Variants in RC3H2 observed in about 807,000 individuals in gnomAD.
RC3H2 encodes roquin-2.
RC3H2 carries 31 observed loss-of-function variants against 133.3 expected under a neutral mutation model. That is an observed-to-expected ratio of 0.23 (90% CI 0.17 to 0.31). The LOEUF (loss-of-function observed/expected upper bound fraction) is 0.31. Ranked by LOEUF, RC3H2 falls within the 10% of genes least tolerant of loss-of-function variation. RC3H2 has a pLI of 1.00. For missense variants in RC3H2, 1,175 were observed against 1,437.2 expected (o/e 0.82, Z 2.95); for synonymous variants, 517 against 502.2 (o/e 1.03, Z -0.40).
intron 9 of RC3H2, among the ~76,000 whole-genome samples, chr9:122,868,732 G>T (rs1261402030): frequency 6.6e-6 from 1 of 150,512 alleles, no homozygotes; most frequent in Admixed American, 6.6e-5. Context: ...ACCCAAGAAT[G>T]ATCAATAAAA....
intron 9 of RC3H2, among the ~76,000 whole-genome samples, chr9:122,873,073 C>T (rs1831167166): frequency 3.3e-5 from 5 of 152,092 alleles, no homozygotes; most frequent in Admixed American, 3.3e-4. Context: ...TGAGCATCCA[C>T]ATTTTGTTTG....
chr9:122,890,388 C>T lies in RC3H2; in HGVS notation c.507G>A (p.Gln169=), dbSNP rs1334456966. 1 of 1,614,128 alleles carries T rather than the reference C, an allele frequency of 6.2e-7. No individual in the cohort carries two copies. The highest frequency in any genetic ancestry group is 8.5e-7 in the Non-Finnish European group (1 of 1,180,026). Residue 169 remains glutamine (Q), a synonymous_variant, in exon 4 of 21, where the codon CAG becomes CAA. Coordinates refer to ENST00000357244, the MANE Select transcript of RC3H2 (RefSeq NM_001100588.3). ...CAGACAACTGCTGAGGGTTCTGGTG[C>T]TGTAATATCAGTTCTGTTACAGTTC... ...GERTVTELIL[Q]HQNPQQLSAN...
At chr9:122,862,467 G>C (rs1830492739) in intron 10 of RC3H2, among the ~76,000 whole-genome samples, 1 of 152,162 alleles carries the variant, frequency 6.6e-6, no homozygotes, top group African/African-American at 2.4e-5. Context: ...CCATACTTTT[G>C]GAAATAGCTC....
intron 9 of RC3H2, among the ~76,000 whole-genome samples, chr9:122,868,878 TGTGTGTGTGTGTATGTG>T (rs1830908375): frequency 3.5e-4 from 8 of 22,956 alleles, no homozygotes; most frequent in Admixed American, 8.4e-4. Context: ...TGTGTGTGTG[TGTGTGTGTGTGTATGTG>T]TTTTTTTTTT....
rs765237126 is a variant in RC3H2, at chr9:122,851,388, C to T, written c.3166G>A (p.Asp1056Asn). ...AGTGCTGAAAGCTCTAACTCGATATCCCTATCAGGTTTAGTATCTGTTGCA... is the reference window on the plus strand; with the variant it reads ...AGTGCTGAAAGCTCTAACTCGATATTCCTATCAGGTTTAGTATCTGTTGCA... ...EDATDTKPDR[D>N]IELELSALDT... is the part of the protein sequence containing the mutation. Residue 1056 changes from aspartate to asparagine, a missense_variant, in exon 19 of 21, where the codon GAT (aspartate) becomes AAT (asparagine). Coordinates refer to ENST00000357244, the MANE Select transcript of RC3H2 (RefSeq NM_001100588.3). 1.2e-6 allele frequency: 2 copies of T among 1,614,188 alleles called. No individual in the cohort carries two copies. The highest frequency in any genetic ancestry group is 4.5e-5 in the East Asian group (2 of 44,894).
chr9:122,892,361 C>T (rs1431277782), intron 3 of RC3H2, among the ~76,000 whole-genome samples: 1 of 152,128 alleles, frequency 6.6e-6, no homozygotes, highest in East Asian at 1.9e-4. Flanking sequence ...AATCTACCCA[C>T]CTTAGCCTTA....
intron 9 of RC3H2, chr9:122,874,573 A>G (rs1370153132): frequency 6.6e-6 from 1 of 152,054 alleles, no homozygotes; most frequent in African/African-American, 2.4e-5. Flanking sequence ...GTTGGAATAC[A>G]GTGGTATAAT....
chr9:122,887,241 T>G (rs1831955978), intron 4 of RC3H2, among the ~76,000 whole-genome samples: 1 of 152,214 alleles, frequency 6.6e-6, no homozygotes, highest in Non-Finnish European at 1.5e-5. Context: ...AGAGGAAACT[T>G]TCCTCAATAT....
chr9:122,879,325 C>T (rs1455702114), intron 8 of RC3H2, among the ~76,000 whole-genome samples: 1 of 151,422 alleles, frequency 6.6e-6, no homozygotes. Flanking sequence ...ACTCAGGAGG[C>T]AGAGGTTGCA....
At chr9:122,869,620 T>C (rs982349865) in intron 9 of RC3H2, among the ~76,000 whole-genome samples, 17 of 146,866 alleles carry the variant, frequency 1.2e-4, no homozygotes, top group African/African-American at 4.3e-4. Flanking sequence ...TGGAGTGCAA[T>C]AGTGTGATCT....
In RC3H2 at chr9:122,857,971, CTG is replaced by C; in HGVS notation, c.2404_2405del (p.Gln802ValfsTer27). On this transcript the variant is annotated frameshift_variant, in exon 13 of 21. Coordinates refer to ENST00000357244, the MANE Select transcript of RC3H2 (RefSeq NM_001100588.3). LOFTEE classifies it high-confidence loss of function. ...ACAGAGGAGAAGGTGGTGTTGGTGACTGTGTTGCCACAGGAAGAGTTGAAGAG... is the reference window on the plus strand; with the variant it reads ...ACAGAGGAGAAGGTGGTGTTGGTGACTGTTGCCACAGGAAGAGTTGAAGAG... ...LVSSTLPVAT[Q>X]SPTPPSPLFS... 1 of 1,614,188 alleles carries C rather than the reference CTG, an allele frequency of 6.2e-7. No individual in the cohort carries two copies. Among genetic ancestry groups the C allele is most frequent in the Non-Finnish European group, 8.5e-7 (1 of 1,179,990 alleles).
intron 9 of RC3H2, chr9:122,875,195 T>C: frequency 1.9e-6 from 3 of 1,551,106 alleles, no homozygotes; most frequent in Non-Finnish European, 8.7e-7. Context: ...TCTAGGCACT[T>C]CAAGTGGGGA....
chr9:122,898,424 A>T (rs1002121171), intron 1 of RC3H2, among the ~76,000 whole-genome samples: 14 of 152,146 alleles, frequency 9.2e-5, no homozygotes, highest in Admixed American at 8.5e-4. Context: ...ACATAGAAAA[A>T]AACAGTGAGA....
chr9:122,890,245 G>C, intron 4 of RC3H2, 67 bp downstream of exon 4: 1 of 1,131,420 alleles, frequency 8.8e-7, no homozygotes. Context: ...GATTCACCGA[G>C]CTCCAGAAAT....
intron 9 of RC3H2, among the ~76,000 whole-genome samples, chr9:122,872,329 T>C (rs6478576): frequency 0.24 from 36,532 of 152,088 alleles, 5,958 homozygotes; most frequent in East Asian, 0.65. Context: ...TCCATTGCTA[T>C]AGTCCTACCC....
chr9:122,892,256 C>T (rs565425452), intron 3 of RC3H2, among the ~76,000 whole-genome samples: 25 of 152,126 alleles, frequency 1.6e-4, no homozygotes, highest in East Asian at 5.8e-4. Context: ...GGACTACAGG[C>T]GTGTGTCACC....
chr9:122,875,944 T>G (rs1401038532), intron 9 of RC3H2, among the ~76,000 whole-genome samples: 1 of 152,122 alleles, frequency 6.6e-6, no homozygotes, highest in Non-Finnish European at 1.5e-5. Context: ...AGAAGGGTGG[T>G]ATGAGTAAAT....
rs115440962 is a variant in RC3H2 at position 122,869,598 on chromosome 9, C to T, written c.1326-3941G>A. Among the ~76,000 whole-genome samples, 887 of 141,006 alleles carry T rather than the reference C, an allele frequency of 6.3e-3. 5 individuals are homozygous for T. The highest frequency in any genetic ancestry group is 0.023 in the African/African-American group (840 of 37,170). The allele number at this position is 141,006 out of a possible 152,430, so 92.5% of individuals were successfully genotyped here. A position where few individuals can be genotyped will look rare whatever the true frequency, so the allele number is the denominator to read the frequency against. ...TTTTTTTTTGAGGCGGAGTTTTGCT[C>T]GTCACCCAGGCTGGAGTGCAATAGT... On this transcript the variant is annotated intron_variant, in intron 9 of 20. Transcript: ENST00000357244.
chr9:122,890,272 C>T (rs377163052), intron 4 of RC3H2, 40 bp downstream of exon 4: 70 of 1,537,778 alleles, frequency 4.6e-5, no homozygotes, highest in Non-Finnish European at 6.0e-5. Context: ...CCTCAAGCCC[C>T]AATAGCTAAT....
Sources: gnomAD v4.1 joint callset for allele counts (sites outside exome capture counted in the v4.1 genomes callset) on GRCh38, gnomAD v4.1.1 for gene constraint, MANE v1.5 for transcripts, NCBI Gene and HGNC (gene_info 2026-07-23, HGNC 2026-07-21) for gene names.